KANSL1L: variants seen among roughly 807,000 people sequenced by gnomAD.
The protein encoded by KANSL1L is KAT8 regulatory NSL complex subunit 1-like protein.
Under a neutral mutation model 108.6 loss-of-function variants are expected in KANSL1L, and 25 were observed. The ratio of observed to expected loss-of-function variants is 0.23; its 90% CI spans 0.17 to 0.32. KANSL1L has a LOEUF of 0.32. KANSL1L is among the 10% of genes least tolerant of loss of function. KANSL1L has a pLI of 1.00. For synonymous variants in KANSL1L, 405 were observed against 395.1 expected, an observed-to-expected ratio of 1.03 and a Z score of -0.30; for missense variants, 1,137 against 1,125.7, an observed-to-expected ratio of 1.01 and a Z score of -0.14.
chr2:210,042,112 G>A (rs974137332), intron 7 of KANSL1L, among the ~76,000 whole-genome samples: 2 of 152,114 alleles, frequency 1.3e-5, no homozygotes, highest in Non-Finnish European at 2.9e-5. Context: ...GCAATTTGTG[G>A]GAAAACATGA....
rs1467186576 is a variant in KANSL1L, at chr2:210,022,330, T to G, written c.*619A>C. ...AACAACAACAACAACAACAAAAAAC[T>G]TCTGTCTCTATATTCAGGACGTTCA... On this transcript the variant is annotated 3_prime_UTR_variant, in exon 15 of 15. Transcript: ENST00000281772. 1.3e-5 allele frequency: 2 copies of G among 152,492 alleles called. No individual in the cohort carries two copies. The highest frequency in any genetic ancestry group is 3.8e-4 in the East Asian group (2 of 5,206). 9.4% of individuals were successfully genotyped at this position (152,492 alleles called of 1,614,324 possible). A position where few individuals can be genotyped will look rare whatever the true frequency, so the allele number is the denominator to read the frequency against.
chr2:210,050,209 T>A (rs1202142107), intron 6 of KANSL1L, among the ~76,000 whole-genome samples: 1 of 151,836 alleles, frequency 6.6e-6, no homozygotes, highest in Non-Finnish European at 1.5e-5. Context: ...CCAGGCAAAT[T>A]TAAGAACAAT....
chr2:210,061,368 G>A (rs1463147724), intron 6 of KANSL1L, among the ~76,000 whole-genome samples: 1 of 152,138 alleles, frequency 6.6e-6, no homozygotes, highest in East Asian at 1.9e-4. Flanking sequence ...GGTGGCTTCT[G>A]TTGTCTAAGG....
intron 2 of KANSL1L, among the ~76,000 whole-genome samples, chr2:210,140,487 G>A (rs990823409): frequency 8.5e-5 from 13 of 152,062 alleles, no homozygotes; most frequent in Admixed American, 6.6e-4. Flanking sequence ...TTATTTCTAG[G>A]CTCTCTATTC....
chr2:210,062,059 G>T (rs2094425436), intron 6 of KANSL1L, among the ~76,000 whole-genome samples: 1 of 152,188 alleles, frequency 6.6e-6, no homozygotes, highest in African/African-American at 2.4e-5. Context: ...AAAGCATTTA[G>T]AAGTTGATAT....
rs776823052 is a variant in KANSL1L, at chr2:210,028,982, A to G, written c.2272-13T>C. The G allele has an allele frequency of 6.2e-7, 1 of 1,603,590 alleles. No individual in the cohort carries two copies. Among genetic ancestry groups the G allele is most frequent in the South Asian group, 1.1e-5 (1 of 89,416 alleles). ...GTCGTGCAGTATTCTGCAAAACAGGATTACAGTAGATTTACAGTACTGTCT... is the reference window on the plus strand; with the variant it reads ...GTCGTGCAGTATTCTGCAAAACAGGGTTACAGTAGATTTACAGTACTGTCT... On this transcript the variant is annotated splice_polypyrimidine_tract_variant and intron_variant, in intron 10 of 14. Transcript: ENST00000281772.
At chr2:210,161,652 T>C (rs150972656) in intron 1 of KANSL1L, among the ~76,000 whole-genome samples, 356 of 152,304 alleles carry the variant, frequency 2.3e-3, no homozygotes, top group African/African-American at 8.0e-3. Flanking sequence ...CTGACATATA[T>C]ATTCAGAAGA....
rs376005011 is a variant in KANSL1L, at chr2:210,044,027, G to A, written c.1833C>T (p.Ser611=). ...GGTAAGACTCCGAATTGTGTTCATAGCTACTCCAAGTTGAAGCTGATTGCA... is the reference window on the plus strand; with the variant it reads ...GGTAAGACTCCGAATTGTGTTCATAACTACTCCAAGTTGAAGCTGATTGCA... ...PCLQSASTWS[S]YEHNSESYLL... Residue 611 remains serine (S), a synonymous_variant, in exon 7 of 15, where the codon AGC becomes AGT. Coordinates refer to ENST00000281772, the MANE Select transcript of KANSL1L (RefSeq NM_152519.4). The surrounding 1 kb of genome is among the most constrained non-coding windows in gnomAD (Gnocchi z 4.2). 1.7e-5 allele frequency: 28 copies of A among 1,609,194 alleles called. No homozygotes were observed. Among genetic ancestry groups the A allele is most frequent in the Non-Finnish European group, 2.3e-5 (27 of 1,177,094 alleles).
At chr2:210,134,479 A>G (rs1256302474) in intron 2 of KANSL1L, among the ~76,000 whole-genome samples, 1 of 152,120 alleles carries the variant, frequency 6.6e-6, no homozygotes, top group East Asian at 1.9e-4. Context: ...TAAGGGTACT[A>G]TGATTATGTT....
chr2:210,160,132 C>A lies in KANSL1L; in HGVS notation c.-29-5521G>T, dbSNP rs537564305. The stretch of plus-strand genomic sequence containing the variant: ...TGGAGAAAAAGCATTTGACAAAATT[C>A]AATATCCATTCATGAGAAAAACTCA... On this transcript the variant is annotated intron_variant, in intron 1 of 14. Transcript: ENST00000281772. 5.3e-5 allele frequency among the ~76,000 whole-genome samples: 8 copies of A among 152,284 alleles called. No individual in the cohort carries two copies. In the East Asian group the frequency reaches 1.5e-3, roughly 29 times the overall value.
intron 3 of KANSL1L, among the ~76,000 whole-genome samples, chr2:210,120,238 A>G (rs2095001730): frequency 6.6e-6 from 1 of 151,964 alleles, no homozygotes. Flanking sequence ...AAAATACAAA[A>G]AAAATTAGCC....
chr2:210,129,605 C>T (rs1172343132), intron 2 of KANSL1L, among the ~76,000 whole-genome samples: 1 of 152,098 alleles, frequency 6.6e-6, no homozygotes, highest in Non-Finnish European at 1.5e-5. Flanking sequence ...TAAACTGTAG[C>T]ATATTCGATT....
intron 3 of KANSL1L, among the ~76,000 whole-genome samples, chr2:210,121,656 T>C (rs1178333391): frequency 2.0e-5 from 3 of 152,096 alleles, no homozygotes; most frequent in Non-Finnish European, 4.4e-5. Flanking sequence ...AATAAAAGTT[T>C]AAAAAGAAGA....
chr2:210,031,300 A>G (rs955349598), intron 9 of KANSL1L, 121 bp downstream of exon 9: 1 of 659,348 alleles, frequency 1.5e-6, no homozygotes, highest in African/African-American at 1.9e-5. Context: ...GTAGACTCAT[A>G]GATGTTTTGT....
chr2:210,151,511 C>G (rs907413470), intron 2 of KANSL1L: 1 of 152,120 alleles, frequency 6.6e-6, no homozygotes, highest in Non-Finnish European at 1.5e-5. Context: ...TCTTGTAGCT[C>G]TAAGTATCAG....
intron 3 of KANSL1L, among the ~76,000 whole-genome samples, chr2:210,113,621 G>A (rs762205598): frequency 6.6e-6 from 1 of 151,986 alleles, no homozygotes; most frequent in Non-Finnish European, 1.5e-5. Flanking sequence ...AGATCTATTA[G>A]ACAAAGACTT....
Position 210,170,348 on chromosome 2 carries a change from C to CA in KANSL1L, c.-30+800dup, listed in dbSNP as rs1043619218. On this transcript the variant is annotated intron_variant, in intron 1 of 14. Transcript: ENST00000281772. ...CGGAATGTGCTTACCACAGTTCAAA[C>CA]AAAAAAACAAACAAAAACGGACTCT... is the stretch of plus-strand genomic sequence containing the variant. The CA allele has an allele frequency of 2.7e-5, 27 of 985,058 alleles. No homozygotes were observed. The African/African-American group carries it at 2.8e-4, about 10-fold the overall frequency. 61.0% of individuals were successfully genotyped at this position (985,058 alleles called of 1,614,324 possible).
intron 6 of KANSL1L, among the ~76,000 whole-genome samples, chr2:210,067,867 A>T (rs1379997468): frequency 6.6e-6 from 1 of 150,736 alleles, no homozygotes; most frequent in Non-Finnish European, 1.5e-5. Context: ...GCATATTTTT[A>T]TTTTATTTTA....
At chr2:210,142,776 T>G (rs934788264) in intron 2 of KANSL1L, among the ~76,000 whole-genome samples, 11 of 152,156 alleles carry the variant, frequency 7.2e-5, no homozygotes, top group African/African-American at 2.7e-4. Context: ...ATTCCTCCTG[T>G]TACTGATTTC....
Sources: allele counts gnomAD v4.1 joint callset (sites outside exome capture counted in the v4.1 genomes callset), GRCh38; gene constraint gnomAD v4.1.1; non-coding constraint Gnocchi (gnomAD v3.1); transcripts MANE v1.5; gene names NCBI Gene and HGNC (gene_info 2026-07-23, HGNC 2026-07-21).